Variants in ACTR3C observed in about 807,000 individuals in gnomAD.
ACTR3C encodes the protein actin related protein 3C.
Under a neutral mutation model 26.3 loss-of-function variants are expected in ACTR3C, and 18 were observed. The ratio of observed to expected loss-of-function variants is 0.68; its 90% CI spans 0.47 to 1.01. ACTR3C has a LOEUF of 1.01. Among genes scored for constraint, ACTR3C ranks in the 50% least tolerant of loss-of-function variants. The pLI is 0.00. For synonymous variants in ACTR3C, 55 were observed against 94.5 expected (o/e 0.58, Z 2.42); for missense variants, 184 against 250.7 (o/e 0.73, Z 1.80).
chr7:149,918,056 A>T, the ACTR3C span, among the ~76,000 whole-genome samples: 1 of 152,334 alleles, frequency 6.6e-6, no homozygotes. Flanking sequence ...TGCATAGAAA[A>T]GCATAGTCTC....
At chr7:149,990,935 G>A in the ACTR3C span, among the ~76,000 whole-genome samples, 5 of 152,186 alleles carry the variant, frequency 3.3e-5, no homozygotes, top group Admixed American at 2.0e-4. Flanking sequence ...AAAGCGAGTC[G>A]GGGCCATGCC....
chr7:149,933,960 T>C, the ACTR3C span, among the ~76,000 whole-genome samples: 1 of 150,572 alleles, frequency 6.6e-6, no homozygotes, highest in African/African-American at 2.5e-5. Context: ...AAGTGTAGAG[T>C]TCCACTCGAC....
chr7:149,975,735 G>A, the ACTR3C span, among the ~76,000 whole-genome samples: 4 of 152,208 alleles, frequency 2.6e-5, no homozygotes, highest in African/African-American at 9.6e-5. Flanking sequence ...TATGGAGGAA[G>A]GCGCCCCTTC....
chr7:150,014,450 C>G, the ACTR3C span, among the ~76,000 whole-genome samples: 1 of 65,776 alleles, frequency 1.5e-5, no homozygotes, highest in Non-Finnish European at 3.2e-5. Context: ...AGTGAGACTC[C>G]GTCTCAAAAA....
At chr7:149,899,203 T>C in the ACTR3C span, among the ~76,000 whole-genome samples, 1 of 151,574 alleles carries the variant, frequency 6.6e-6, no homozygotes, top group Non-Finnish European at 1.5e-5. Flanking sequence ...TTTAAAACTC[T>C]CACCGTGGCA....
At chr7:150,198,004 G>A in the ACTR3C span, among the ~76,000 whole-genome samples, 2 of 151,168 alleles carry the variant, frequency 1.3e-5, no homozygotes, top group Admixed American at 1.3e-4. Flanking sequence ...GCAGGCATGC[G>A]CCGCCACGCC....
At chr7:150,158,214 A>G in the ACTR3C span, among the ~76,000 whole-genome samples, 6 of 152,150 alleles carry the variant, frequency 3.9e-5, no homozygotes, top group Non-Finnish European at 4.4e-5. Flanking sequence ...GGACGTGAAG[A>G]AAAGGGAAAA....
At chr7:150,184,591 A>G in the ACTR3C span, among the ~76,000 whole-genome samples, 1 of 150,478 alleles carries the variant, frequency 6.6e-6, no homozygotes, top group Non-Finnish European at 1.5e-5. Context: ...GCAGGACAGC[A>G]TCCTAGAGAG....
chr7:149,896,151 C>A, the ACTR3C span, among the ~76,000 whole-genome samples: 1 of 152,288 alleles, frequency 6.6e-6, no homozygotes, highest in Admixed American at 6.5e-5. Context: ...CGCCACCACA[C>A]TCCAGCCTGG....
the ACTR3C span, among the ~76,000 whole-genome samples, chr7:150,077,738 T>C: frequency 6.6e-6 from 1 of 152,204 alleles, no homozygotes. Context: ...GCAAACCAGT[T>C]GGCAGTTCGG....
At chr7:150,260,252 A>C (rs1833544306) in intron 6 of ACTR3C, among the ~76,000 whole-genome samples, 1 of 152,220 alleles carries the variant, frequency 6.6e-6, no homozygotes, top group Non-Finnish European at 1.5e-5. Context: ...GTATATGCTT[A>C]ATAATATTCT....
At chr7:149,968,105 T>A in the ACTR3C span, among the ~76,000 whole-genome samples, 1 of 152,232 alleles carries the variant, frequency 6.6e-6, no homozygotes, top group East Asian at 1.9e-4. Flanking sequence ...GTAGTTACAC[T>A]CCCCAGGGTC....
chr7:149,976,687 TA>T, the ACTR3C span, among the ~76,000 whole-genome samples: 5 of 150,394 alleles, frequency 3.3e-5, no homozygotes, highest in Admixed American at 6.6e-5. Context: ...TTATAAAGTG[TA>T]AAAAACACAT....
chr7:150,224,916 A>G, the ACTR3C span, among the ~76,000 whole-genome samples: 1 of 149,628 alleles, frequency 6.7e-6, no homozygotes, highest in Non-Finnish European at 1.5e-5. Flanking sequence ...ATTCAATACT[A>G]CTCTTATTTA....
At chr7:150,118,280 A>T in the ACTR3C span, among the ~76,000 whole-genome samples, 1 of 151,954 alleles carries the variant, frequency 6.6e-6, no homozygotes, top group Non-Finnish European at 1.5e-5. Context: ...TAATAACAAA[A>T]TCCTCTGAGC....
the ACTR3C span, among the ~76,000 whole-genome samples, chr7:149,890,325 CAT>C: frequency 6.7e-6 from 1 of 149,400 alleles, no homozygotes; most frequent in African/African-American, 2.5e-5. Context: ...CGGAAGAAAA[CAT>C]GTAATGTTGA....
At chr7:150,050,128 A>G in the ACTR3C span, among the ~76,000 whole-genome samples, 1 of 152,146 alleles carries the variant, frequency 6.6e-6, no homozygotes, top group Non-Finnish European at 1.5e-5. Flanking sequence ...CCTAACATGG[A>G]CATGAAAGAA....
the ACTR3C span, among the ~76,000 whole-genome samples, chr7:149,899,616 A>G: frequency 1.2e-4 from 17 of 147,576 alleles, no homozygotes; most frequent in Non-Finnish European, 2.0e-4. Flanking sequence ...AAAAAAAAAC[A>G]GAGCCCAGAG....
the ACTR3C span, among the ~76,000 whole-genome samples, chr7:150,122,871 A>G: frequency 4.0e-5 from 6 of 151,450 alleles, no homozygotes; most frequent in East Asian, 1.2e-3. Flanking sequence ...GGATAAAGAA[A>G]ATGTGGCACA....
Sources: allele counts gnomAD v4.1 joint callset (sites outside exome capture counted in the v4.1 genomes callset), GRCh38; gene constraint gnomAD v4.1.1; transcripts MANE v1.5; gene names NCBI Gene and HGNC (gene_info 2026-07-23, HGNC 2026-07-21).